The following SEL1L3 variants were observed in gnomAD, a reference collection of about 807,000 sequenced individuals.
The protein encoded by SEL1L3 is protein sel-1 homolog 3.
In SEL1L3, 76 loss-of-function variants were observed where a neutral mutation model predicts 142.8. The ratio of observed to expected loss-of-function variants is 0.53; its 90% CI spans 0.44 to 0.64. The LOEUF (loss-of-function observed/expected upper bound fraction) is 0.64. SEL1L3 is among the 30% of genes least tolerant of loss of function. The pLI, the probability that SEL1L3 is intolerant of heterozygous loss-of-function variation, is 0.00. For synonymous variants in SEL1L3, 504 were observed against 519.6 expected (o/e 0.97, Z 0.41); for missense variants, 1,262 against 1,381.7 (o/e 0.91, Z 1.37).
At chr4:25,786,189 T>A (rs552176876) in intron 13 of SEL1L3, among the ~76,000 whole-genome samples, 15 of 152,250 alleles carry the variant, frequency 9.9e-5, no homozygotes, top group African/African-American at 3.1e-4. Flanking sequence ...ACAGCTGCCA[T>A]CTTGGTACCA....
chr4:25,859,095 G>A (rs369917345), intron 1 of SEL1L3, among the ~76,000 whole-genome samples: 37 of 152,380 alleles, frequency 2.4e-4, no homozygotes, highest in Admixed American at 7.2e-4. Context: ...CAGATAGAGA[G>A]CTGGGGCAGC....
At chr4:25,731,919 A>G in the SEL1L3 span, among the ~76,000 whole-genome samples, 2 of 152,118 alleles carry the variant, frequency 1.3e-5, no homozygotes, top group African/African-American at 4.8e-5. Flanking sequence ...CTAAAAATAC[A>G]AAAAGTTAGC....
In SEL1L3 at chr4:25,833,401, C is replaced by A. The variant is rs747766061; in HGVS notation, c.982+47G>T. Reference sequence around the variant, plus strand: ...CAGACATATCTGTCACTAGGCAGAGCATTACAAAATTACAATATCATTTTA... The same window carrying A: ...CAGACATATCTGTCACTAGGCAGAGAATTACAAAATTACAATATCATTTTA... On this transcript the variant is annotated intron_variant, in intron 4 of 23. Coordinates refer to ENST00000399878, the MANE Select transcript of SEL1L3 (RefSeq NM_015187.5). The A allele has an allele frequency of 1.1e-5, 17 of 1,558,594 alleles. No individual in the cohort carries two copies. The South Asian group carries it at 1.9e-4, about 17-fold the overall frequency.
intron 23 of SEL1L3, among the ~76,000 whole-genome samples, chr4:25,752,417 C>T (rs1320618349): frequency 2.4e-5 from 2 of 84,372 alleles, no homozygotes; most frequent in Non-Finnish European, 4.4e-5. Flanking sequence ...ACTCCATCTC[C>T]GAAAAAAAAA....
chr4:25,729,043 TC>T, the SEL1L3 span, among the ~76,000 whole-genome samples: 1 of 148,930 alleles, frequency 6.7e-6, no homozygotes, highest in African/African-American at 2.5e-5. Context: ...CGTTTTTTTT[TC>T]CCCAACCATT....
chr4:25,819,746 C>T (rs971585548), intron 8 of SEL1L3, 62 bp downstream of exon 8: 46 of 1,514,326 alleles, frequency 3.0e-5, no homozygotes, highest in Non-Finnish European at 3.9e-5. Context: ...ATGGAGAAGC[C>T]AAACATGTGT....
intron 1 of SEL1L3, among the ~76,000 whole-genome samples, chr4:25,860,275 G>T (rs1443102261): frequency 2.0e-5 from 3 of 152,112 alleles, no homozygotes; most frequent in Non-Finnish European, 4.4e-5. Flanking sequence ...TCCTCCTCTA[G>T]AGTCTACATA....
At chr4:25,863,246 T>C (rs1577715424), upstream of SEL1L3, among the ~76,000 whole-genome samples, 1 of 78,950 alleles carries the variant, frequency 1.3e-5, no homozygotes, top group East Asian at 4.5e-4. Context: ...CCTTTCTCTC[T>C]GCTCCTCCCC....
intron 1 of SEL1L3, among the ~76,000 whole-genome samples, chr4:25,849,391 AC>A (rs1347091456): frequency 6.6e-6 from 1 of 152,210 alleles, no homozygotes; most frequent in Non-Finnish European, 1.5e-5. Context: ...AAATGGATGA[AC>A]TTTGAGGAGA....
chr4:25,790,474 C>T lies in SEL1L3; in HGVS notation c.2057G>A (p.Arg686Gln), dbSNP rs774322109. ...VFMWLKHEATRGNAAAQQRLA... is the reference protein window; with the variant it reads ...VFMWLKHEATQGNAAAQQRLA... ...TTTTACCTGAGCTGCTGCATTGCCTCGGGTAGCTTCATGCTTCAACCACAT... is the reference window on the plus strand; with the variant it reads ...TTTTACCTGAGCTGCTGCATTGCCTTGGGTAGCTTCATGCTTCAACCACAT... Residue 686 changes from arginine to glutamine, a missense_variant, in exon 12 of 24, where the codon CGA (arginine) becomes CAA (glutamine). Physicochemically the swap from Arg to Gln is conservative, Grantham distance 43. Transcript: ENST00000399878. 6.8e-6 allele frequency: 11 copies of T among 1,613,792 alleles called. No homozygotes were observed. The highest frequency in any genetic ancestry group is 1.7e-4 in the Middle Eastern group (1 of 6,060).
chr4:25,765,538 A>T, intron 19 of SEL1L3, 103 bp from the exon 20 acceptor site: 3 of 720,086 alleles, frequency 4.2e-6, no homozygotes, highest in Non-Finnish European at 7.4e-6. Flanking sequence ...TCCTATTAGT[A>T]TCTGAATACA....
intron 11 of SEL1L3, among the ~76,000 whole-genome samples, chr4:25,792,316 A>C (rs532128355): frequency 6.6e-6 from 1 of 152,332 alleles, no homozygotes; most frequent in East Asian, 1.9e-4. Context: ...CTCCAGGTGA[A>C]ACTATAGAAC....
chr4:25,816,388 A>G (rs1714394001), intron 9 of SEL1L3, among the ~76,000 whole-genome samples: 1 of 152,108 alleles, frequency 6.6e-6, no homozygotes, highest in South Asian at 2.1e-4. Flanking sequence ...CTGGCTCCAG[A>G]GGCTACGCCA....
chr4:25,768,135 CT>C (rs1339332081), intron 17 of SEL1L3, among the ~76,000 whole-genome samples: 1 of 152,134 alleles, frequency 6.6e-6, no homozygotes, highest in Non-Finnish European at 1.5e-5. Flanking sequence ...TTCTTGAATC[CT>C]TCTTGCATCC....
At chr4:25,727,390 G>A in the SEL1L3 span, among the ~76,000 whole-genome samples, 2 of 152,196 alleles carry the variant, frequency 1.3e-5, no homozygotes, top group South Asian at 2.1e-4. Context: ...TGTTGGAATA[G>A]GACCACCCTA....
At chr4:25,827,598 C>T (rs1715177692) in intron 6 of SEL1L3, among the ~76,000 whole-genome samples, 1 of 152,066 alleles carries the variant, frequency 6.6e-6, no homozygotes, top group South Asian at 2.1e-4. Flanking sequence ...TCTGGCAGGC[C>T]CCAACAAACT....
rs1182576973 is a variant in SEL1L3, at chr4:25,748,081, GAC to G, written c.*342_*343del. 10 of 214,838 alleles carry G rather than the reference GAC, an allele frequency of 4.7e-5. No individual in the cohort carries two copies. 13.3% of individuals were successfully genotyped at this position (214,838 alleles called of 1,614,324 possible). On this transcript the variant is annotated 3_prime_UTR_variant, in exon 24 of 24. Transcript: ENST00000399878. ...ATGAAGCACGCACTGTGATTCTTAAGACACATCTTAGTGTATAAGAATCCAGA... is the reference window on the plus strand; with the variant it reads ...ATGAAGCACGCACTGTGATTCTTAAGACATCTTAGTGTATAAGAATCCAGA...
chr4:25,829,770 C>A (rs1387683357), intron 6 of SEL1L3, among the ~76,000 whole-genome samples: 1 of 152,134 alleles, frequency 6.6e-6, no homozygotes, highest in African/African-American at 2.4e-5. Context: ...AACACTAATA[C>A]TTTGATTTAT....
chr4:25,717,973 T>C, the SEL1L3 span: 1 of 152,246 alleles, frequency 6.6e-6, no homozygotes, highest in East Asian at 1.9e-4. Flanking sequence ...TTATCAGGCA[T>C]GGGGGCATGA....
Sources: gnomAD v4.1 joint callset for allele counts (sites outside exome capture counted in the v4.1 genomes callset) on GRCh38, gnomAD v4.1.1 for gene constraint, MANE v1.5 for transcripts, NCBI Gene and HGNC (gene_info 2026-07-23, HGNC 2026-07-21) for gene names.